The following TMEM132B variants were observed in gnomAD, a reference collection of about 807,000 sequenced individuals.
The protein encoded by TMEM132B is transmembrane protein 132B.
A neutral mutation model predicts 90.8 loss-of-function variants in TMEM132B; 18 were observed. The observed-to-expected ratio is 0.20, with a 90% CI of 0.14 to 0.29. The LOEUF (loss-of-function observed/expected upper bound fraction) is 0.29. Ranked by LOEUF, TMEM132B falls within the 10% of genes least tolerant of loss-of-function variation. TMEM132B has a pLI of 1.00. For synonymous variants in TMEM132B, 504 were observed against 523.3 expected, an observed-to-expected ratio of 0.96 and a Z score of 0.50; for missense variants, 1,096 against 1,326.8, an observed-to-expected ratio of 0.83 and a Z score of 2.70.
intron 1 of TMEM132B, among the ~76,000 whole-genome samples, chr12:125,288,466 A>AT (rs950836890): frequency 6.9e-6 from 1 of 145,806 alleles, no homozygotes; most frequent in East Asian, 2.0e-4. Flanking sequence ...CCATCTCAAA[A>AT]AAAAAAAAAA....
intron 4 of TMEM132B, among the ~76,000 whole-genome samples, chr12:125,582,383 A>G (rs1481188709): frequency 1.3e-5 from 2 of 152,074 alleles, no homozygotes; most frequent in African/African-American, 2.4e-5. Context: ...GGGGCCGACT[A>G]TAGAATCCAC....
chr12:125,510,659 T>G (rs1433582595), intron 3 of TMEM132B, among the ~76,000 whole-genome samples: 3 of 152,234 alleles, frequency 2.0e-5, no homozygotes, highest in Non-Finnish European at 4.4e-5. Context: ...CTATTTGGCT[T>G]TATTTTCTTC....
At chr12:125,554,594 A>G (rs1283667019) in intron 4 of TMEM132B, among the ~76,000 whole-genome samples, 1 of 151,956 alleles carries the variant, frequency 6.6e-6, no homozygotes, top group Non-Finnish European at 1.5e-5. Context: ...TGTTCTTTGC[A>G]CTTCGAATGC....
chr12:125,529,478 G>GACTCTT (rs980963787), intron 4 of TMEM132B, among the ~76,000 whole-genome samples: 1 of 152,158 alleles, frequency 6.6e-6, no homozygotes, highest in Non-Finnish European at 1.5e-5. Context: ...ACAGGGACTT[G>GACTCTT]ACTCTTGCAA....
At chr12:125,356,354 G>T (rs147803501) in intron 2 of TMEM132B, among the ~76,000 whole-genome samples, 1 of 152,154 alleles carries the variant, frequency 6.6e-6, no homozygotes, top group Admixed American at 6.5e-5. Flanking sequence ...CAATCTGTAC[G>T]TGGGGACAGT....
At chr12:125,547,757 G>A (rs1030449362) in intron 4 of TMEM132B, among the ~76,000 whole-genome samples, 1 of 152,144 alleles carries the variant, frequency 6.6e-6, no homozygotes, top group African/African-American at 2.4e-5. Context: ...GATGGATTCA[G>A]CTCAGGAATT....
chr12:125,540,505 A>C, intron 4 of TMEM132B, among the ~76,000 whole-genome samples: 1 of 152,330 alleles, frequency 6.6e-6, no homozygotes, highest in Non-Finnish European at 1.5e-5. Flanking sequence ...TAGATATATA[A>C]AATTTAAGAT....
chr12:125,582,367 G>T (rs1399192049), intron 4 of TMEM132B, among the ~76,000 whole-genome samples: 1 of 151,864 alleles, frequency 6.6e-6, no homozygotes, highest in Non-Finnish European at 1.5e-5. Context: ...TTGGAATAGA[G>T]AGTGCGGGGC....
chr12:125,659,092 G>A lies in TMEM132B; in HGVS notation c.*4382G>A, dbSNP rs964418053. The stretch of plus-strand genomic sequence containing the variant: ...TGCATGTTCCATAAAGCAGCTGTAT[G>A]GTTGGCTATAATATAGATTTATTTT... On this transcript the variant is annotated 3_prime_UTR_variant, in exon 9 of 9. Coordinates refer to ENST00000682704, the MANE Select transcript of TMEM132B (RefSeq NM_001366854.1). The A allele has an allele frequency of 1.3e-5, 2 of 152,120 alleles. No homozygotes were observed. Among genetic ancestry groups the A allele is most frequent in the Non-Finnish European group, 2.9e-5 (2 of 68,036 alleles). 9.4% of individuals were successfully genotyped at this position (152,120 alleles called of 1,614,324 possible). A position where few individuals can be genotyped will look rare whatever the true frequency, so the allele number is the denominator to read the frequency against.
At chr12:125,519,365 C>CA in intron 3 of TMEM132B, 74 bp from the exon 4 acceptor site, 1 of 1,416,640 alleles carries the variant, frequency 7.1e-7, no homozygotes, top group Non-Finnish European at 9.6e-7. Context: ...AAGAATGTGG[C>CA]AATTTATTAC....
intron 2 of TMEM132B, among the ~76,000 whole-genome samples, chr12:125,396,363 A>C (rs1879169317): frequency 1.3e-5 from 2 of 152,108 alleles, no homozygotes; most frequent in Admixed American, 6.5e-5. Context: ...TATGAAGGGG[A>C]CAGCACTTGG....
At chr12:125,539,376 TC>T (rs1408412107) in intron 4 of TMEM132B, among the ~76,000 whole-genome samples, 7 of 152,200 alleles carry the variant, frequency 4.6e-5, no homozygotes, top group African/African-American at 1.7e-4. Flanking sequence ...CAAGAGCAGC[TC>T]CATCTTCTCC....
At chr12:125,335,822 A>G (rs574610293) in intron 1 of TMEM132B, among the ~76,000 whole-genome samples, 1 of 152,248 alleles carries the variant, frequency 6.6e-6, no homozygotes, top group African/African-American at 2.4e-5. Flanking sequence ...CCCTGTCTCT[A>G]CTAAAAATAC....
At chr12:125,274,120 G>A (rs1447457790) in intron 1 of TMEM132B, among the ~76,000 whole-genome samples, 1 of 152,118 alleles carries the variant, frequency 6.6e-6, no homozygotes, top group Non-Finnish European at 1.5e-5. Flanking sequence ...TTCGTGAGTG[G>A]TGTGTAAGTG....
intron 1 of TMEM132B, among the ~76,000 whole-genome samples, chr12:125,267,214 C>T (rs1874716711): frequency 6.6e-6 from 1 of 152,158 alleles, no homozygotes. Context: ...GGGTTTCCAT[C>T]TCTTTGCTCT....
intron 3 of TMEM132B, among the ~76,000 whole-genome samples, chr12:125,422,021 G>T (rs1338449589): frequency 6.6e-6 from 1 of 152,140 alleles, no homozygotes; most frequent in Non-Finnish European, 1.5e-5. Context: ...AAAGGTAAAA[G>T]AACACACAGA....
chr12:125,519,558 G>C lies in TMEM132B; in HGVS notation c.1226G>C (p.Ser409Thr). The C allele has an allele frequency of 3.1e-6, 5 of 1,614,154 alleles. No homozygotes were observed. The highest frequency in any genetic ancestry group is 3.4e-6 in the Non-Finnish European group (4 of 1,180,024). ...QVEYPIEDSM[S>T]ELVVSEIFVS... ...GAGTACCCGATTGAGGACTCCATGA[G>C]TGAGCTGGTCGTCTCCGAGATCTTC... The change falls in exon 4 of 9, where the codon AGT (serine) becomes ACT (threonine). Residue 409 changes from serine (S) to threonine (T), a missense_variant. Physicochemically the swap from Ser to Thr is moderately conservative, Grantham distance 58. Transcript: ENST00000682704.
intron 3 of TMEM132B, among the ~76,000 whole-genome samples, chr12:125,509,185 C>T (rs1190039792): frequency 1.3e-5 from 2 of 152,150 alleles, no homozygotes; most frequent in Non-Finnish European, 2.9e-5. Flanking sequence ...AGTAAATGTG[C>T]ATGTATGAAT....
intron 3 of TMEM132B, among the ~76,000 whole-genome samples, chr12:125,485,592 T>C (rs981544021): frequency 1.3e-5 from 2 of 152,220 alleles, no homozygotes; most frequent in Admixed American, 6.5e-5. Flanking sequence ...CCAACACCTC[T>C]TTATCAAATT....
Sources: allele counts gnomAD v4.1 joint callset (sites outside exome capture counted in the v4.1 genomes callset), GRCh38; gene constraint gnomAD v4.1.1; transcripts MANE v1.5; gene names NCBI Gene and HGNC (gene_info 2026-07-23, HGNC 2026-07-21).